DENND1A: variants seen among roughly 807,000 people sequenced by gnomAD.
DENND1A encodes the protein DENN domain containing 1A.
A neutral mutation model predicts 113.7 loss-of-function variants in DENND1A; 51 were observed. That is an observed-to-expected ratio of 0.45 (90% CI 0.36 to 0.57). DENND1A has a LOEUF of 0.57. DENND1A is among the 20% of genes least tolerant of loss of function. DENND1A has a pLI of 0.00. For missense variants in DENND1A, 1,258 were observed against 1,395.9 expected, an observed-to-expected ratio of 0.90 and a Z score of 1.57; for synonymous variants, 565 against 570.8, an observed-to-expected ratio of 0.99 and a Z score of 0.14.
intron 8 of DENND1A, among the ~76,000 whole-genome samples, chr9:123,663,403 T>A (rs1044843252): frequency 6.6e-5 from 10 of 152,252 alleles, no homozygotes; most frequent in Non-Finnish European, 1.5e-4. Flanking sequence ...TTTAAACCTT[T>A]AATTAATTTA....
chr9:123,651,964 C>G (rs1402855432), intron 9 of DENND1A, 49 bp downstream of exon 9: 4 of 1,519,982 alleles, frequency 2.6e-6, no homozygotes, highest in Non-Finnish European at 3.6e-6. Flanking sequence ...GTGTATCTTT[C>G]AATTAAAATT....
chr9:123,786,171 G>A (rs910636626), intron 3 of DENND1A, among the ~76,000 whole-genome samples: 17 of 151,610 alleles, frequency 1.1e-4, no homozygotes, highest in South Asian at 2.1e-4. Context: ...CTGAGATTGT[G>A]CCATTGTACT....
chr9:123,466,475 T>C (rs2048959402), intron 13 of DENND1A, among the ~76,000 whole-genome samples: 1 of 152,244 alleles, frequency 6.6e-6, no homozygotes, highest in East Asian at 1.9e-4. Context: ...AATTTTTGCA[T>C]TTTTCATAGA....
chr9:123,394,139 G>C (rs1472092541), intron 21 of DENND1A, among the ~76,000 whole-genome samples: 5 of 152,130 alleles, frequency 3.3e-5, no homozygotes, highest in Non-Finnish European at 7.4e-5. Context: ...CTATAGGCAT[G>C]TGCTACCATG....
At chr9:123,751,757 A>G (rs2070059439) in intron 5 of DENND1A, 1 of 152,084 alleles carries the variant, frequency 6.6e-6, no homozygotes, top group African/African-American at 2.4e-5. Flanking sequence ...GACTTTGTGT[A>G]TCAGTTCTCA....
intron 5 of DENND1A, among the ~76,000 whole-genome samples, chr9:123,730,265 A>G (rs1468460876): frequency 6.6e-6 from 1 of 152,234 alleles, no homozygotes. Context: ...AATGGGATCT[A>G]ATTAAACTAA....
chr9:123,651,584 A>G (rs1442780442), intron 9 of DENND1A, among the ~76,000 whole-genome samples: 1 of 152,238 alleles, frequency 6.6e-6, no homozygotes, highest in African/African-American at 2.4e-5. Flanking sequence ...TCCTTAGAAT[A>G]TAACTGTAAC....
intron 12 of DENND1A, among the ~76,000 whole-genome samples, chr9:123,578,756 TTACACAAGG>T (rs2058742751): frequency 6.6e-6 from 1 of 152,130 alleles, no homozygotes; most frequent in Non-Finnish European, 1.5e-5. Flanking sequence ...ATCAGTACAA[TTACACAAGG>T]TACACAAGGG....
At chr9:123,833,122 CAAAAAAAAAAAAAA>C (rs1163844269) in intron 2 of DENND1A, among the ~76,000 whole-genome samples, 4 of 27,568 alleles carry the variant, frequency 1.5e-4, no homozygotes, top group South Asian at 1.7e-3. Flanking sequence ...GACCTCATCT[CAAAAAAAAAAAAAA>C]AAAAAAAAAA....
At chr9:123,551,271 C>T (rs1023250665) in intron 13 of DENND1A, among the ~76,000 whole-genome samples, 1 of 152,218 alleles carries the variant, frequency 6.6e-6, no homozygotes, top group Non-Finnish European at 1.5e-5. Context: ...GGACAGGATG[C>T]AATGTGTATG....
At chr9:123,872,094 T>A (rs1846709181) in intron 2 of DENND1A, among the ~76,000 whole-genome samples, 1 of 152,178 alleles carries the variant, frequency 6.6e-6, no homozygotes, top group African/African-American at 2.4e-5. Flanking sequence ...GCTAACTGTC[T>A]TGATTTTCTG....
At chr9:123,914,938 A>C (rs1259469401) in intron 1 of DENND1A, among the ~76,000 whole-genome samples, 1 of 151,968 alleles carries the variant, frequency 6.6e-6, no homozygotes, top group Non-Finnish European at 1.5e-5. Context: ...AACCATCTCA[A>C]CCTGAGTCCC....
At chr9:123,557,935 T>C (rs1589130119) in intron 12 of DENND1A, among the ~76,000 whole-genome samples, 2 of 151,474 alleles carry the variant, frequency 1.3e-5, no homozygotes, top group Admixed American at 6.6e-5. Context: ...GAGGCTACAG[T>C]GAGCCGAGAT....
intron 5 of DENND1A, among the ~76,000 whole-genome samples, chr9:123,702,389 T>TTAAATAAATAATAGCAAAAAATA (rs1465931722): frequency 6.6e-6 from 1 of 152,072 alleles, no homozygotes; most frequent in Admixed American, 6.5e-5. Context: ...GAAAGCTTAT[T>TTAAATAAATAATAGCAAAAAATA]TAAATAAATA....
chr9:123,554,227 C>T (rs1016771521), intron 13 of DENND1A, among the ~76,000 whole-genome samples: 2 of 152,116 alleles, frequency 1.3e-5, no homozygotes, highest in African/African-American at 4.8e-5. Flanking sequence ...AACTAATCCG[C>T]TCAACATTTT....
chr9:123,523,233 C>A (rs138791030), intron 13 of DENND1A, among the ~76,000 whole-genome samples: 6 of 152,164 alleles, frequency 3.9e-5, no homozygotes, highest in African/African-American at 1.4e-4. Flanking sequence ...AACCCCCTTA[C>A]GTGTGACAGC....
At chr9:123,567,682 A>G (rs1356089009) in intron 12 of DENND1A, among the ~76,000 whole-genome samples, 2 of 152,252 alleles carry the variant, frequency 1.3e-5, no homozygotes, top group African/African-American at 4.8e-5. Context: ...TCAGTCAGAC[A>G]TGTGAATGTC....
intron 19 of DENND1A, among the ~76,000 whole-genome samples, chr9:123,435,565 A>C (rs1019446773): frequency 6.6e-6 from 1 of 152,264 alleles, no homozygotes; most frequent in African/African-American, 2.4e-5. Context: ...TGCTTTTTGC[A>C]ATCTATCAGA....
chr9:123,571,051 T>C (rs1359683427), intron 12 of DENND1A, among the ~76,000 whole-genome samples: 1 of 152,116 alleles, frequency 6.6e-6, no homozygotes, highest in Non-Finnish European at 1.5e-5. Flanking sequence ...CATAGCAAGG[T>C]ATAAGGCATT....
Sources: allele counts gnomAD v4.1 joint callset (sites outside exome capture counted in the v4.1 genomes callset), GRCh38; gene constraint gnomAD v4.1.1; transcripts MANE v1.5; gene names NCBI Gene and HGNC (gene_info 2026-07-23, HGNC 2026-07-21).